Variants in TRDN observed in about 807,000 individuals in gnomAD.
TRDN encodes triadin in skeletal muscle.
A neutral mutation model predicts 149.7 loss-of-function variants in TRDN; 161 were observed. The ratio of observed to expected loss-of-function variants is 1.08; its 90% CI spans 0.95 to 1.23. The LOEUF (loss-of-function observed/expected upper bound fraction) is 1.23, where lower values mean the gene tolerates loss of function less well. Ranked by LOEUF, TRDN falls within the 50% of genes most tolerant of loss-of-function variation. The pLI, the probability that TRDN is intolerant of heterozygous loss-of-function variation, is 0.00. For synonymous variants in TRDN, 294 were observed against 250.5 expected, an observed-to-expected ratio of 1.17 and a Z score of -1.64; for missense variants, 896 against 823.5, an observed-to-expected ratio of 1.09 and a Z score of -1.08.
At chr6:123,581,300 T>C (rs78651881) in intron 1 of TRDN, among the ~76,000 whole-genome samples, 1 of 152,210 alleles carries the variant, frequency 6.6e-6, no homozygotes, top group Non-Finnish European at 1.5e-5. Context: ...AACTCTACTC[T>C]TCTTACTTGT....
chr6:123,423,902 GA>G (rs1774011577), intron 12 of TRDN, among the ~76,000 whole-genome samples: 1 of 152,016 alleles, frequency 6.6e-6, no homozygotes, highest in East Asian at 1.9e-4. Context: ...AAAGACTATG[GA>G]CAGCACTCTG....
intron 12 of TRDN, among the ~76,000 whole-genome samples, chr6:123,435,310 A>C (rs1414324704): frequency 6.6e-6 from 1 of 152,016 alleles, no homozygotes; most frequent in Admixed American, 6.6e-5. Context: ...TTTGTCCCCC[A>C]GCTCTTCAAG....
chr6:123,598,531 T>A (rs915395831), intron 1 of TRDN, among the ~76,000 whole-genome samples: 1 of 152,116 alleles, frequency 6.6e-6, no homozygotes, highest in Non-Finnish European at 1.5e-5. Context: ...CTCACAGTGA[T>A]CTCTCAGTTC....
intron 33 of TRDN, 90 bp downstream of exon 33, chr6:123,265,228 T>C (rs931459225): frequency 2.8e-5 from 28 of 994,150 alleles, no homozygotes; most frequent in Non-Finnish European, 3.7e-5. Flanking sequence ...AAACAGACCA[T>C]ACTATTTAAC....
chr6:123,607,090 A>G (rs888515137), intron 1 of TRDN, among the ~76,000 whole-genome samples: 2 of 152,236 alleles, frequency 1.3e-5, no homozygotes, highest in African/African-American at 4.8e-5. Flanking sequence ...AGACACAGTC[A>G]CAAGTGGTTC....
At chr6:123,471,465 G>A (rs1007807763) in intron 9 of TRDN, 2 of 151,724 alleles carry the variant, frequency 1.3e-5, no homozygotes, top group Non-Finnish European at 2.9e-5. Context: ...ACTCTCAAGG[G>A]TTTTTTTTCA....
intron 2 of TRDN, among the ~76,000 whole-genome samples, chr6:123,558,987 G>T (rs1490693321): frequency 6.6e-6 from 1 of 152,236 alleles, no homozygotes. Context: ...TGTGCCATCT[G>T]TGCAGGACCC....
chr6:123,314,866 G>C (rs1264379567), intron 24 of TRDN, among the ~76,000 whole-genome samples: 1 of 151,836 alleles, frequency 6.6e-6, no homozygotes, highest in Middle Eastern at 3.2e-3. Context: ...GGAGGAGGGA[G>C]ATGATCAGAA....
At chr6:123,227,406 C>T (rs1775416697) in intron 38 of TRDN, among the ~76,000 whole-genome samples, 2 of 151,716 alleles carry the variant, frequency 1.3e-5, no homozygotes, top group Non-Finnish European at 2.9e-5. Flanking sequence ...CAATGAAGTC[C>T]CTAGGGGACA....
chr6:123,540,216 T>C (rs904190808), intron 4 of TRDN, among the ~76,000 whole-genome samples: 11 of 152,212 alleles, frequency 7.2e-5, no homozygotes, highest in African/African-American at 2.7e-4. Flanking sequence ...GATATGCTAC[T>C]AAATCCAGAT....
chr6:123,225,020 C>T (rs1327838198), intron 38 of TRDN, among the ~76,000 whole-genome samples: 2 of 151,576 alleles, frequency 1.3e-5, no homozygotes, highest in Non-Finnish European at 3.0e-5. Flanking sequence ...AGGTTGATAC[C>T]TAAAATATAT....
At chr6:123,591,707 T>A (rs1480449001) in intron 1 of TRDN, among the ~76,000 whole-genome samples, 1 of 152,226 alleles carries the variant, frequency 6.6e-6, no homozygotes, top group Non-Finnish European at 1.5e-5. Flanking sequence ...GTTTCCTATG[T>A]GTTTTGTTTT....
chr6:123,286,028 A>C lies in TRDN; in HGVS notation c.1511-6946T>G, dbSNP rs61630628. Among the ~76,000 whole-genome samples the C allele has an allele frequency of 3.0e-3, 460 of 152,216 alleles. 3 individuals are homozygous for C. Among genetic ancestry groups the C allele is most frequent in the African/African-American group, 0.01 (429 of 41,560 alleles). On this transcript the variant is annotated intron_variant, in intron 24 of 40. Transcript: ENST00000334268. ...TAATCAAAAAATTAAAAAATAATAG[A>C]TGTTGTCATGGATGCAGTGAAAAGA...
chr6:123,590,525 G>A (rs1174725353), intron 1 of TRDN, among the ~76,000 whole-genome samples: 1 of 152,162 alleles, frequency 6.6e-6, no homozygotes, highest in East Asian at 1.9e-4. Flanking sequence ...AGCACTTTGG[G>A]AGGCCGAGGC....
At position 123,464,897 on chromosome 6, in the gene TRDN, AG is replaced by A. The variant is rs1409391074; in HGVS notation, c.931+8del. ...AATAGAGATCTTTAAGAAAAAAAAA[AG>A]TACTTGCCTTCAAGGGCAGGTGATG... On this transcript the variant is annotated splice_region_variant and intron_variant, in intron 10 of 40. Transcript: ENST00000334268. 2 of 1,567,438 alleles carry A rather than the reference AG, an allele frequency of 1.3e-6. No individual in the cohort carries two copies. Among genetic ancestry groups the A allele is most frequent in the Non-Finnish European group, 1.7e-6 (2 of 1,155,342 alleles).
At chr6:123,291,926 TAA>T (rs1161782052) in intron 24 of TRDN, among the ~76,000 whole-genome samples, 1 of 152,174 alleles carries the variant, frequency 6.6e-6, no homozygotes, top group Non-Finnish European at 1.5e-5. Flanking sequence ...GGTCTGATGG[TAA>T]AGTGTTTTGT....
At chr6:123,540,814 G>GC (rs1352346064) in intron 4 of TRDN, among the ~76,000 whole-genome samples, 1 of 152,234 alleles carries the variant, frequency 6.6e-6, no homozygotes, top group East Asian at 1.9e-4. Context: ...CACCGCCAAT[G>GC]TGAGTTGGAT....
At chr6:123,480,735 T>C (rs927282082) in intron 9 of TRDN, among the ~76,000 whole-genome samples, 23 of 152,124 alleles carry the variant, frequency 1.5e-4, no homozygotes, top group African/African-American at 5.3e-4. Flanking sequence ...TTACAAAATG[T>C]ATTAAAATAA....
At chr6:123,400,066 G>A (rs556320168) in intron 12 of TRDN, among the ~76,000 whole-genome samples, 1 of 150,576 alleles carries the variant, frequency 6.6e-6, no homozygotes, top group Admixed American at 6.6e-5. Flanking sequence ...TATTGGGCTA[G>A]GATTGATTCA....
Sources: gnomAD v4.1 joint callset for allele counts (sites outside exome capture counted in the v4.1 genomes callset) on GRCh38, gnomAD v4.1.1 for gene constraint, MANE v1.5 for transcripts, NCBI Gene and HGNC (gene_info 2026-07-23, HGNC 2026-07-21) for gene names.